AP3M1: variants seen among roughly 807,000 people sequenced by gnomAD.
AP3M1 encodes the protein adaptor related protein complex 3 subunit mu 1.
AP3M1 carries 29 observed loss-of-function variants against 42.6 expected under a neutral mutation model. That is an observed-to-expected ratio of 0.68 (90% CI 0.51 to 0.93). The LOEUF (loss-of-function observed/expected upper bound fraction) is 0.93. AP3M1 is among the 40% of genes least tolerant of loss of function. The probability of loss-of-function intolerance (pLI) is 0.00; values close to 1 mark genes in which losing one functional copy is unlikely to be tolerated. For synonymous variants in AP3M1, 178 were observed against 175.3 expected (o/e 1.02, Z -0.12); for missense variants, 416 against 510.2 (o/e 0.82, Z 1.78).
rs767021961 is a variant in AP3M1, at chr10:74,126,280, T to C, written c.879A>G (p.Ile293Met). 6.2e-7 allele frequency: 1 copy of C among 1,614,090 alleles called. No individual in the cohort carries two copies. The highest frequency in any genetic ancestry group is 8.5e-7 in the Non-Finnish European group (1 of 1,180,050). Residue 293 changes from isoleucine to methionine, a missense_variant, in exon 7 of 9, where the codon ATA becomes ATG. Physicochemically the swap from Ile to Met is conservative, Grantham distance 10. Coordinates refer to ENST00000355264, the MANE Select transcript of AP3M1 (RefSeq NM_012095.6). ...KENSSCGRFDITIGPKQNMGK... is the reference protein window; with the variant it reads ...KENSSCGRFDMTIGPKQNMGK... ...CCATATTCTGCTTTGGTCCAATTGT[T>C]ATATCAAATCTGCCGCAAGAACTGT...
At chr10:74,133,669 C>CT (rs111439833) in intron 4 of AP3M1, among the ~76,000 whole-genome samples, 1,626 of 142,962 alleles carry the variant, frequency 0.011, 10 homozygotes, top group Non-Finnish European at 0.019. Flanking sequence ...CTTTCTTCTT[C>CT]TTTTTTTTTT....
intron 7 of AP3M1, among the ~76,000 whole-genome samples, chr10:74,125,762 G>T (rs1840594542): frequency 6.6e-6 from 1 of 152,170 alleles, no homozygotes; most frequent in Non-Finnish European, 1.5e-5. Context: ...GAAGAAAAAG[G>T]TCTTAGTGAT....
At chr10:74,146,633 C>G (rs900570166) in intron 1 of AP3M1, among the ~76,000 whole-genome samples, 19 of 152,064 alleles carry the variant, frequency 1.2e-4, no homozygotes, top group Non-Finnish European at 4.4e-5. Context: ...ACATCTGACC[C>G]AAATAAATAT....
chr10:74,127,794 C>T (rs945989379), intron 6 of AP3M1, among the ~76,000 whole-genome samples: 1 of 151,708 alleles, frequency 6.6e-6, no homozygotes, highest in Non-Finnish European at 1.5e-5. Flanking sequence ...GAAAACAGTT[C>T]CTATGTGATA....
intron 3 of AP3M1, among the ~76,000 whole-genome samples, chr10:74,135,298 T>C (rs1840908852): frequency 6.6e-6 from 1 of 152,222 alleles, no homozygotes; most frequent in Non-Finnish European, 1.5e-5. Flanking sequence ...TGTGTTTTTT[T>C]CTCATACAGT....
At chr10:74,126,430 T>A in intron 6 of AP3M1, 75 bp from the exon 7 acceptor site, 4 of 1,179,006 alleles carry the variant, frequency 3.4e-6, no homozygotes, top group Non-Finnish European at 3.7e-6. Context: ...AGAGGTATCC[T>A]GAAAACCTCT....
At chr10:74,131,891 T>C (rs189384217) in intron 4 of AP3M1, among the ~76,000 whole-genome samples, 37 of 152,196 alleles carry the variant, frequency 2.4e-4, no homozygotes, top group African/African-American at 8.9e-4. Context: ...AGGGGACTCA[T>C]GGAAGAGAAG....
chr10:74,123,628 T>C lies in AP3M1; in HGVS notation c.*182A>G, dbSNP rs547980430. On this transcript the variant is annotated 3_prime_UTR_variant, in exon 9 of 9. Coordinates refer to ENST00000355264, the MANE Select transcript of AP3M1 (RefSeq NM_012095.6). ...CAAAATAAGCTAAGTCACTAAAAGG[T>C]TTCCTTAGCTTAAAGCTCCTTAAGA... The C allele has an allele frequency of 1.4e-5, 8 of 584,346 alleles. No individual in the cohort carries two copies. The South Asian group carries it at 1.6e-4, about 12-fold the overall frequency. 36.2% of individuals were successfully genotyped at this position (584,346 alleles called of 1,614,324 possible).
intron 7 of AP3M1, 102 bp downstream of exon 7, chr10:74,126,046 T>A: frequency 8.1e-7 from 1 of 1,233,840 alleles, no homozygotes; most frequent in South Asian, 1.3e-5. Context: ...ATACGAACTT[T>A]AGTTTTAAAC....
rs970003636 is a variant in AP3M1, at chr10:74,123,754, A to G, written c.*56T>C. On this transcript the variant is annotated 3_prime_UTR_variant, in exon 9 of 9. Transcript: ENST00000355264. ...CCCACTCACTTGGTACCTAATAGTG[A>G]TACATCGTAATGACACTTGGAAAAC... is the stretch of plus-strand genomic sequence containing the variant. 2 of 1,329,176 alleles carry G rather than the reference A, an allele frequency of 1.5e-6. No homozygotes were observed. The highest frequency in any genetic ancestry group is 1.4e-5 in the African/African-American group (1 of 69,276). 82.3% of individuals were successfully genotyped at this position (1,329,176 alleles called of 1,614,324 possible).
intron 1 of AP3M1, among the ~76,000 whole-genome samples, chr10:74,149,117 C>T (rs954479141): frequency 4.6e-5 from 7 of 151,886 alleles, no homozygotes; most frequent in Non-Finnish European, 1.0e-4. Context: ...GTGATCCACC[C>T]ACCTCAGCCT....
chr10:74,133,283 A>G (rs1840835846), intron 4 of AP3M1, among the ~76,000 whole-genome samples: 1 of 152,002 alleles, frequency 6.6e-6, no homozygotes, highest in Non-Finnish European at 1.5e-5. Context: ...AATCCCAGGT[A>G]CTCGGGAGGC....
chr10:74,124,382 G>A lies in AP3M1; in HGVS notation c.1154C>T (p.Ser385Leu), dbSNP rs750837297. ...CTACAAGTCAACCTTATCCTTACCT[G>A]AAATAGCAAGCTGCTGGATCTTAAA... ...IQFKIQQLAISGLKVNRLDMY... is the reference protein window; with the variant it reads ...IQFKIQQLAILGLKVNRLDMY... The change falls in exon 8 of 9, where the codon TCA (serine) becomes TTA (leucine). Residue 385 changes from serine to leucine, a missense_variant and splice_region_variant. Coordinates refer to ENST00000355264, the MANE Select transcript of AP3M1 (RefSeq NM_012095.6). 6.2e-7 allele frequency: 1 copy of A among 1,605,946 alleles called. No individual in the cohort carries two copies. Among genetic ancestry groups the A allele is most frequent in the Non-Finnish European group, 8.5e-7 (1 of 1,177,962 alleles).
intron 1 of AP3M1, among the ~76,000 whole-genome samples, chr10:74,140,768 G>T (rs1276702108): frequency 6.6e-6 from 1 of 152,280 alleles, no homozygotes; most frequent in East Asian, 1.9e-4. Flanking sequence ...AGGGTGCCAA[G>T]ACCTGGGTGA....
chr10:74,142,559 G>A (rs146648620), intron 1 of AP3M1, among the ~76,000 whole-genome samples: 1 of 152,214 alleles, frequency 6.6e-6, no homozygotes, highest in East Asian at 1.9e-4. Flanking sequence ...AACAGTTTAG[G>A]GTTCCTGTTT....
chr10:74,139,504 G>A (rs1323615282), intron 1 of AP3M1, among the ~76,000 whole-genome samples: 4 of 151,446 alleles, frequency 2.6e-5, no homozygotes, highest in African/African-American at 7.3e-5. Flanking sequence ...ATTTCAGGCC[G>A]GGCGTGGTGG....
Position 74,129,185 on chromosome 10 carries a change from C to T in AP3M1, c.726G>A (p.Trp242Ter). 1 of 1,614,068 alleles carries T rather than the reference C, an allele frequency of 6.2e-7. No individual in the cohort carries two copies. Among genetic ancestry groups the T allele is most frequent in the South Asian group, 1.1e-5 (1 of 91,072 alleles). Reference sequence around the variant, plus strand: ...TAAATGACAAAACTCTTTCAGATTCCCAACGCTTGAACCGGATGCAGGGGT... The same window carrying T: ...TAAATGACAAAACTCTTTCAGATTCTCAACGCTTGAACCGGATGCAGGGGT... ...SFHPCIRFKR[W>*]ESERVLSFIP... Residue 242 changes from tryptophan to a stop codon, truncating the protein, a stop_gained, in exon 6 of 9, where the codon TGG (tryptophan) becomes TGA (stop). Coordinates refer to ENST00000355264, the MANE Select transcript of AP3M1 (RefSeq NM_012095.6). LOFTEE classifies it high-confidence loss of function.
At chr10:74,142,258 C>G (rs1442144502) in intron 1 of AP3M1, among the ~76,000 whole-genome samples, 1 of 152,068 alleles carries the variant, frequency 6.6e-6, no homozygotes, top group Non-Finnish European at 1.5e-5. Flanking sequence ...CTCAATCATT[C>G]CAAGTAATAG....
rs529116157 is a variant in AP3M1, at chr10:74,122,089, G to A, written c.*1721C>T. ...ATTAAAAATAAAAAGCAATTGAACC[G>A]GGTAGCCAAACTTAGGCAAAAGGAA... On this transcript the variant is annotated 3_prime_UTR_variant, in exon 9 of 9. Coordinates refer to ENST00000355264, the MANE Select transcript of AP3M1 (RefSeq NM_012095.6). The A allele has an allele frequency of 7.2e-5, 11 of 152,284 alleles. No individual in the cohort carries two copies. In the South Asian group the frequency reaches 8.3e-4, roughly 11 times the overall value. The allele number at this position is 152,284 out of a possible 1,614,324, so 9.4% of individuals were successfully genotyped here.
Sources: allele counts gnomAD v4.1 joint callset (sites outside exome capture counted in the v4.1 genomes callset), GRCh38; gene constraint gnomAD v4.1.1; transcripts MANE v1.5; gene names NCBI Gene and HGNC (gene_info 2026-07-23, HGNC 2026-07-21).